The following WDFY2 variants were observed in gnomAD, a reference collection of about 807,000 sequenced individuals.
WDFY2 encodes WD repeat and FYVE domain-containing protein 2.
Under a neutral mutation model 56.4 loss-of-function variants are expected in WDFY2, and 36 were observed. That is an observed-to-expected ratio of 0.64 (90% confidence interval 0.49 to 0.84). The LOEUF (loss-of-function observed/expected upper bound fraction) is 0.84, where lower values mean the gene tolerates loss of function less well. Ranked by LOEUF, WDFY2 falls within the 40% of genes least tolerant of loss-of-function variation. The pLI is 0.00. For synonymous variants in WDFY2, 176 were observed against 183.7 expected (o/e 0.96, Z 0.34); for missense variants, 444 against 512.2 (o/e 0.87, Z 1.29).
At chr13:51,631,391 T>TAAA (rs374903152) in intron 1 of WDFY2, among the ~76,000 whole-genome samples, 3 of 123,106 alleles carry the variant, frequency 2.4e-5, no homozygotes, top group Non-Finnish European at 3.5e-5. Context: ...ATCCTGTCTC[T>TAAA]AAAAAAAAAA....
intron 1 of WDFY2, among the ~76,000 whole-genome samples, chr13:51,645,299 T>C (rs1955243744): frequency 6.6e-6 from 1 of 152,102 alleles, no homozygotes; most frequent in African/African-American, 2.4e-5. Flanking sequence ...TTCAGGGCCT[T>C]CAAAACCCAG....
chr13:51,634,899 A>C (rs1955017011), intron 1 of WDFY2, among the ~76,000 whole-genome samples: 1 of 152,044 alleles, frequency 6.6e-6, no homozygotes, highest in South Asian at 2.1e-4. Flanking sequence ...GAGTCCCCCC[A>C]TAAGGAAGCC....
chr13:51,752,069 A>G (rs1037395535), intron 8 of WDFY2, among the ~76,000 whole-genome samples: 1 of 152,316 alleles, frequency 6.6e-6, no homozygotes, highest in Non-Finnish European at 1.5e-5. Context: ...CCCTTTGACA[A>G]TGCACATTCT....
chr13:51,674,427 G>A (rs1425167002), intron 2 of WDFY2, among the ~76,000 whole-genome samples: 1 of 152,152 alleles, frequency 6.6e-6, no homozygotes, highest in African/African-American at 2.4e-5. Flanking sequence ...TTGACCACAC[G>A]TGGCTTCCAA....
chr13:51,672,343 G>C (rs1357993792), intron 2 of WDFY2, among the ~76,000 whole-genome samples: 1 of 152,104 alleles, frequency 6.6e-6, no homozygotes, highest in African/African-American at 2.4e-5. Context: ...CTTTGTCAAA[G>C]ATCTGTTGAC....
intron 1 of WDFY2, among the ~76,000 whole-genome samples, chr13:51,609,397 T>C (rs1954446208): frequency 6.6e-6 from 1 of 152,112 alleles, no homozygotes; most frequent in Non-Finnish European, 1.5e-5. Context: ...GTATTCATAA[T>C]AATACAATCA....
At chr13:51,634,675 G>A (rs936918613) in intron 1 of WDFY2, among the ~76,000 whole-genome samples, 8 of 151,354 alleles carry the variant, frequency 5.3e-5, no homozygotes, top group African/African-American at 9.7e-5. Context: ...GCCAGGTGTG[G>A]TGGTGCATGT....
chr13:51,692,991 T>C (rs1194786783), intron 3 of WDFY2, among the ~76,000 whole-genome samples: 1 of 152,212 alleles, frequency 6.6e-6, no homozygotes, highest in Non-Finnish European at 1.5e-5. Flanking sequence ...TAGAGGTGTT[T>C]GTAGTATTCT....
At chr13:51,600,360 C>T (rs1455170009) in intron 1 of WDFY2, among the ~76,000 whole-genome samples, 1 of 152,124 alleles carries the variant, frequency 6.6e-6, no homozygotes, top group Non-Finnish European at 1.5e-5. Flanking sequence ...GCATTTGGGT[C>T]TTGGGAATAG....
At chr13:51,712,295 C>T (rs1176907492) in intron 4 of WDFY2, among the ~76,000 whole-genome samples, 3 of 151,966 alleles carry the variant, frequency 2.0e-5, no homozygotes, top group Admixed American at 6.6e-5. Context: ...TGGGGCCTAT[C>T]GTGGTGTGGG....
intron 1 of WDFY2, among the ~76,000 whole-genome samples, chr13:51,635,217 T>C (rs570379151): frequency 2.0e-5 from 3 of 152,286 alleles, no homozygotes; most frequent in Non-Finnish European, 4.4e-5. Context: ...GTCCTGGGAT[T>C]ACAGCGTGAG....
chr13:51,644,327 A>ACT (rs1298386115), intron 1 of WDFY2, among the ~76,000 whole-genome samples: 2 of 152,224 alleles, frequency 1.3e-5, no homozygotes, highest in Non-Finnish European at 2.9e-5. Flanking sequence ...CGAGGGTCTT[A>ACT]CTACTGACTG....
At chr13:51,690,428 G>A (rs1385941540) in intron 3 of WDFY2, among the ~76,000 whole-genome samples, 1 of 143,418 alleles carries the variant, frequency 7.0e-6, no homozygotes. Context: ...TCCCACCTAT[G>A]AGTGAGAATA....
At chr13:51,689,117 T>C (rs939781999) in intron 3 of WDFY2, among the ~76,000 whole-genome samples, 6 of 152,178 alleles carry the variant, frequency 3.9e-5, no homozygotes, top group Admixed American at 3.9e-4. Context: ...GTCTTGAAAG[T>C]GGTTACATCC....
intron 3 of WDFY2, among the ~76,000 whole-genome samples, chr13:51,686,011 C>G (rs1051561972): frequency 2.6e-5 from 4 of 152,136 alleles, no homozygotes; most frequent in African/African-American, 9.7e-5. Context: ...GCCCTTTCTT[C>G]CCAACACTCT....
At position 51,599,905 on chromosome 13, in the gene WDFY2, A is replaced by G. The variant is rs551267057; in HGVS notation, c.137+15081A>G. On this transcript the variant is annotated intron_variant, in intron 1 of 11. Coordinates refer to ENST00000298125, the MANE Select transcript of WDFY2 (RefSeq NM_052950.4). The stretch of plus-strand genomic sequence containing the variant: ...AAAACAAACAAACAAACAAAAAAAA[A>G]AACAAAACAAAAAAACCAAAAAACC... 2.3e-4 allele frequency among the ~76,000 whole-genome samples: 35 copies of G among 151,974 alleles called. 1 individual carries two copies. In the South Asian group the frequency reaches 7.0e-3, roughly 31 times the overall value.
chr13:51,625,531 G>A (rs1954822685), intron 1 of WDFY2, among the ~76,000 whole-genome samples: 1 of 152,136 alleles, frequency 6.6e-6, no homozygotes. Flanking sequence ...TTGATATTTT[G>A]CTTTGTTTCC....
intron 1 of WDFY2, chr13:51,594,284 A>T (rs1310531473): frequency 6.6e-6 from 1 of 152,198 alleles, no homozygotes; most frequent in Non-Finnish European, 1.5e-5. Context: ...CTAGGGAGCC[A>T]CTGATACTCA....
At chr13:51,726,799 T>C (rs1159194844) in intron 5 of WDFY2, among the ~76,000 whole-genome samples, 1 of 152,232 alleles carries the variant, frequency 6.6e-6, no homozygotes, top group African/African-American at 2.4e-5. Context: ...CTATTAATAG[T>C]TCCATTCAAA....
Sources: allele counts gnomAD v4.1 joint callset (sites outside exome capture counted in the v4.1 genomes callset), GRCh38; gene constraint gnomAD v4.1.1; transcripts MANE v1.5; gene names NCBI Gene and HGNC (gene_info 2026-07-23, HGNC 2026-07-21).